Variants in EPB41L4A observed in about 807,000 individuals in gnomAD.
EPB41L4A encodes band 4.1-like protein 4A.
A neutral mutation model predicts 108.6 loss-of-function variants in EPB41L4A; 100 were observed. The ratio of observed to expected loss-of-function variants is 0.92; its 90% CI spans 0.78 to 1.09. The LOEUF (loss-of-function observed/expected upper bound fraction) is 1.09. Ranked by LOEUF, EPB41L4A falls within the 50% of genes least tolerant of loss-of-function variation. The pLI, the probability that EPB41L4A is intolerant of heterozygous loss-of-function variation, is 0.00. For synonymous variants in EPB41L4A, 319 were observed against 289.0 expected, an observed-to-expected ratio of 1.10 and a Z score of -1.05; for missense variants, 1,030 against 842.7, an observed-to-expected ratio of 1.22 and a Z score of -2.75.
chr5:112,259,841 C>A, intron 8 of EPB41L4A, 50 bp downstream of exon 8: 1 of 1,356,276 alleles, frequency 7.4e-7, no homozygotes, highest in Non-Finnish European at 1.1e-6. Context: ...CACAGGAGTC[C>A]CATAAGCCCA....
rs183797425 is a variant in EPB41L4A, at chr5:112,404,730, T to A, written c.99+14211A>T. Among the ~76,000 whole-genome samples the A allele has an allele frequency of 3.9e-3, 588 of 152,312 alleles. 8 individuals are homozygous for A. The highest frequency in any genetic ancestry group is 1.5e-3 in the Non-Finnish European group (104 of 68,024). On this transcript the variant is annotated intron_variant, in intron 1 of 22. Transcript: ENST00000261486. The stretch of plus-strand genomic sequence containing the variant: ...TCAAAGCATAACTCTAGATTTAAGT[T>A]CCGGATGGTTAGAAGCAATCTAATT...
At chr5:112,262,222 T>G (rs1004601786) in intron 7 of EPB41L4A, among the ~76,000 whole-genome samples, 11 of 152,174 alleles carry the variant, frequency 7.2e-5, no homozygotes, top group African/African-American at 2.7e-4. Context: ...ATTGTTTTGA[T>G]GTTTAGCTAA....
At chr5:112,195,428 T>C (rs1433748516) in intron 16 of EPB41L4A, among the ~76,000 whole-genome samples, 2 of 151,610 alleles carry the variant, frequency 1.3e-5, no homozygotes, top group East Asian at 1.9e-4. Flanking sequence ...CAGTGGTTTA[T>C]AATATGGCAA....
chr5:112,260,099 T>A, intron 7 of EPB41L4A, 120 bp from the exon 8 acceptor site: 1 of 757,596 alleles, frequency 1.3e-6, no homozygotes, highest in Non-Finnish European at 2.2e-6. Flanking sequence ...TTGAAAGACA[T>A]CAGCCTAGAA....
At chr5:112,403,356 C>T (rs1761897915) in intron 1 of EPB41L4A, among the ~76,000 whole-genome samples, 1 of 144,116 alleles carries the variant, frequency 6.9e-6, no homozygotes, top group Admixed American at 6.8e-5. Context: ...AAAAAAAAGG[C>T]AAGTCAGAGT....
chr5:112,301,740 T>C (rs1158260711), intron 2 of EPB41L4A, among the ~76,000 whole-genome samples: 1 of 152,148 alleles, frequency 6.6e-6, no homozygotes, highest in Non-Finnish European at 1.5e-5. Context: ...AGAAAATATG[T>C]TTAATAATTA....
At chr5:112,214,423 C>G (rs1037384765) in intron 12 of EPB41L4A, among the ~76,000 whole-genome samples, 1 of 152,172 alleles carries the variant, frequency 6.6e-6, no homozygotes, top group Non-Finnish European at 1.5e-5. Context: ...ATATAAACAG[C>G]TTAACAAATA....
intron 17 of EPB41L4A, among the ~76,000 whole-genome samples, chr5:112,194,261 A>T (rs1475368239): frequency 6.6e-6 from 1 of 152,206 alleles, no homozygotes; most frequent in African/African-American, 2.4e-5. Flanking sequence ...TACGAATGGT[A>T]AACTTTCTTA....
At chr5:112,394,009 T>C (rs1053617329) in intron 1 of EPB41L4A, among the ~76,000 whole-genome samples, 1 of 152,192 alleles carries the variant, frequency 6.6e-6, no homozygotes, top group African/African-American at 2.4e-5. Context: ...TCTCAACAGA[T>C]GCAGAAAAGG....
chr5:112,296,361 A>C (rs557547204), intron 2 of EPB41L4A, among the ~76,000 whole-genome samples: 1 of 152,260 alleles, frequency 6.6e-6, no homozygotes, highest in African/African-American at 2.4e-5. Context: ...TTTCCTAGAA[A>C]TTGTGGAGTT....
chr5:112,251,790 A>G (rs2059183841), intron 9 of EPB41L4A, among the ~76,000 whole-genome samples: 1 of 152,214 alleles, frequency 6.6e-6, no homozygotes, highest in South Asian at 2.1e-4. Context: ...AACCAAAAAC[A>G]ACCTGAAACA....
chr5:112,385,925 C>T (rs1760492576), intron 1 of EPB41L4A, among the ~76,000 whole-genome samples: 1 of 152,188 alleles, frequency 6.6e-6, no homozygotes, highest in Admixed American at 6.5e-5. Context: ...TTACTCCTTT[C>T]TTCCTCTAAG....
At chr5:112,208,846 C>G (rs1235698305) in intron 13 of EPB41L4A, among the ~76,000 whole-genome samples, 1 of 152,162 alleles carries the variant, frequency 6.6e-6, no homozygotes, top group East Asian at 1.9e-4. Flanking sequence ...CACAAGCATA[C>G]CCTGTACATA....
Position 112,237,473 on chromosome 5 carries a change from A to G in EPB41L4A, c.965+2187T>C, listed in dbSNP as rs894138221. On this transcript the variant is annotated intron_variant, in intron 11 of 22. Coordinates refer to ENST00000261486, the MANE Select transcript of EPB41L4A (RefSeq NM_022140.5). The stretch of plus-strand genomic sequence containing the variant: ...TCACATATATGTATGGTGCACAACC[A>G]CAAAGACACTAACACATCACTATAA... 7.9e-5 allele frequency among the ~76,000 whole-genome samples: 12 copies of G among 152,196 alleles called. No individual in the cohort carries two copies. In the South Asian group the frequency reaches 8.3e-4, roughly 11 times the overall value.
intron 1 of EPB41L4A, among the ~76,000 whole-genome samples, chr5:112,345,663 C>T (rs1431781344): frequency 2.0e-5 from 3 of 151,858 alleles, no homozygotes; most frequent in Non-Finnish European, 4.4e-5. Context: ...ACCTAATGCC[C>T]TTTTACAGGG....
chr5:112,297,516 T>C (rs905645536), intron 2 of EPB41L4A, among the ~76,000 whole-genome samples: 5 of 152,182 alleles, frequency 3.3e-5, no homozygotes, highest in African/African-American at 1.2e-4. Flanking sequence ...GAGTTCCTTG[T>C]AGATTCTGGA....
intron 12 of EPB41L4A, among the ~76,000 whole-genome samples, chr5:112,219,741 G>A (rs187852802): frequency 3.3e-5 from 5 of 152,160 alleles, no homozygotes; most frequent in Non-Finnish European, 5.9e-5. Context: ...TGTTGCCTAC[G>A]CTGGAGTGCA....
chr5:112,286,761 A>C (rs1753309245), intron 2 of EPB41L4A, among the ~76,000 whole-genome samples: 1 of 152,044 alleles, frequency 6.6e-6, no homozygotes, highest in African/African-American at 2.4e-5. Flanking sequence ...TCATTGTTGG[A>C]AGAATGGTGG....
chr5:112,295,241 G>A (rs1289891159), intron 2 of EPB41L4A, among the ~76,000 whole-genome samples: 1 of 152,144 alleles, frequency 6.6e-6, no homozygotes, highest in East Asian at 1.9e-4. Context: ...TATGAGGAGA[G>A]GTGAGATGAT....
Sources: gnomAD v4.1 joint callset for allele counts (sites outside exome capture counted in the v4.1 genomes callset) on GRCh38, gnomAD v4.1.1 for gene constraint, MANE v1.5 for transcripts, NCBI Gene and HGNC (gene_info 2026-07-23, HGNC 2026-07-21) for gene names.